Variants in CRADD observed in about 807,000 individuals in gnomAD.
CRADD encodes the protein death domain-containing protein CRADD.
In CRADD, 9 loss-of-function variants were observed where a neutral mutation model predicts 15.5. The ratio of observed to expected loss-of-function variants is 0.58; its 90% confidence interval spans 0.35 to 1.01. CRADD has a LOEUF of 1.01. CRADD is among the 50% of genes least tolerant of loss of function. The pLI is 0.02. For synonymous variants in CRADD, 118 were observed against 107.6 expected (o/e 1.10, Z -0.60); for missense variants, 227 against 250.3 (o/e 0.91, Z 0.63).
chr12:93,747,338 G>A (rs1956768452), intron 2 of CRADD, among the ~76,000 whole-genome samples: 1 of 152,144 alleles, frequency 6.6e-6, no homozygotes. Context: ...GGAGACCTAG[G>A]GCTGGGAACT....
chr12:93,707,379 T>C (rs1177720294), intron 2 of CRADD, among the ~76,000 whole-genome samples: 1 of 152,230 alleles, frequency 6.6e-6, no homozygotes, highest in African/African-American at 2.4e-5. Flanking sequence ...AGTTTGTCTC[T>C]GATCCACATG....
chr12:93,882,644 A>C (rs1232929286), intron 2 of CRADD, among the ~76,000 whole-genome samples: 2 of 152,054 alleles, frequency 1.3e-5, no homozygotes, highest in Non-Finnish European at 2.9e-5. Context: ...TTTTCTTCTT[A>C]ATCACCCTTA....
In CRADD at chr12:93,709,406, T is replaced by A. The variant is rs938374485; in HGVS notation, c.298+30334T>A. On this transcript the variant is annotated intron_variant, in intron 2 of 2. Coordinates refer to ENST00000332896, the MANE Select transcript of CRADD (RefSeq NM_003805.5). The stretch of plus-strand genomic sequence containing the variant: ...TAGTTATCTTTTCTGCTCCTCTCCC[T>A]CTTCCTACCCTCTCCCCTCAAGTAG... 3.9e-5 allele frequency among the ~76,000 whole-genome samples: 6 copies of A among 152,320 alleles called. No homozygotes were observed. In the South Asian group the frequency reaches 6.2e-4, roughly 16 times the overall value.
intron 2 of CRADD, among the ~76,000 whole-genome samples, chr12:93,883,449 G>C (rs150202020): frequency 1.3e-5 from 2 of 152,230 alleles, no homozygotes; most frequent in East Asian, 3.9e-4. Context: ...ATAGTAATAT[G>C]AGTCAGGTAC....
rs575160511 is a variant in CRADD at position 93,694,124 on chromosome 12, G to T, written c.298+15052G>T. Reference sequence around the variant, plus strand: ...AACTGAATTTAACAGCACAGTAAAAGAATCATTCACTGTGATCAAAGGATG... The same window carrying T: ...AACTGAATTTAACAGCACAGTAAAATAATCATTCACTGTGATCAAAGGATG... On this transcript the variant is annotated intron_variant, in intron 2 of 2. Transcript: ENST00000332896. Among the ~76,000 whole-genome samples, 14 of 152,124 alleles carry T rather than the reference G, an allele frequency of 9.2e-5. No homozygotes were observed. In the East Asian group the frequency reaches 2.5e-3, roughly 27 times the overall value.
At chr12:93,752,347 CA>C (rs1425387273) in intron 2 of CRADD, among the ~76,000 whole-genome samples, 1 of 152,192 alleles carries the variant, frequency 6.6e-6, no homozygotes, top group Non-Finnish European at 1.5e-5. Flanking sequence ...ATGCTAATGT[CA>C]AAAGCAGGGA....
At chr12:93,720,944 C>T (rs1956250380) in intron 2 of CRADD, among the ~76,000 whole-genome samples, 1 of 152,124 alleles carries the variant, frequency 6.6e-6, no homozygotes, top group Admixed American at 6.6e-5. Context: ...TGGATACCTA[C>T]CATATTTGTT....
chr12:93,706,892 T>A (rs1955962866), intron 2 of CRADD, among the ~76,000 whole-genome samples: 1 of 152,202 alleles, frequency 6.6e-6, no homozygotes, highest in Non-Finnish European at 1.5e-5. Flanking sequence ...ATTTAAGTAG[T>A]GTAATAAATT....
At chr12:93,775,911 ATT>A (rs1957136040) in intron 2 of CRADD, among the ~76,000 whole-genome samples, 1 of 152,226 alleles carries the variant, frequency 6.6e-6, no homozygotes, top group South Asian at 2.1e-4. Flanking sequence ...TAAAATATAC[ATT>A]TTAAATTCTA....
intron 2 of CRADD, among the ~76,000 whole-genome samples, chr12:93,681,752 A>G (rs1309940462): frequency 6.6e-6 from 1 of 152,122 alleles, no homozygotes; most frequent in Non-Finnish European, 1.5e-5. Flanking sequence ...AAAGCCCTGA[A>G]TTGGGGGTTT....
At chr12:93,734,276 A>G (rs1956524731) in intron 2 of CRADD, among the ~76,000 whole-genome samples, 1 of 152,206 alleles carries the variant, frequency 6.6e-6, no homozygotes, top group Non-Finnish European at 1.5e-5. Context: ...TAGAGATTCA[A>G]AGCATTTTCA....
rs149404758 is a variant in CRADD, at chr12:93,750,195, C to G, written c.298+71123C>G. ...CTGACTCCAGAACCTCAGATCCAGC[C>G]TCTATTCTGGCTTTTTAGTAGGCGA... On this transcript the variant is annotated intron_variant, in intron 2 of 2. Transcript: ENST00000332896. 5.4e-4 allele frequency among the ~76,000 whole-genome samples: 80 copies of G among 148,162 alleles called. 1 individual carries two copies. The highest frequency in any genetic ancestry group is 1.8e-3 in the African/African-American group (70 of 39,850).
chr12:93,713,563 C>A (rs1290734796), intron 2 of CRADD, among the ~76,000 whole-genome samples: 2 of 151,874 alleles, frequency 1.3e-5, no homozygotes, highest in Non-Finnish European at 2.9e-5. Flanking sequence ...ATTTATAATA[C>A]CTAATACAAT....
intron 2 of CRADD, among the ~76,000 whole-genome samples, chr12:93,838,457 AG>A (rs1958005100): frequency 1.3e-5 from 2 of 151,634 alleles, no homozygotes; most frequent in South Asian, 4.2e-4. Context: ...TGTCAGCCCC[AG>A]GGGTACCGTG....
At chr12:93,827,774 G>A (rs558618484) in intron 2 of CRADD, among the ~76,000 whole-genome samples, 7 of 152,194 alleles carry the variant, frequency 4.6e-5, no homozygotes, top group African/African-American at 1.4e-4. Flanking sequence ...CTTAACATGA[G>A]ATCTACACAA....
At chr12:93,788,266 C>T (rs1349423883) in intron 2 of CRADD, among the ~76,000 whole-genome samples, 1 of 152,134 alleles carries the variant, frequency 6.6e-6, no homozygotes, top group African/African-American at 2.4e-5. Flanking sequence ...GAGTACCCAG[C>T]GAAGGGAGAA....
Position 93,864,655 on chromosome 12 carries a change from G to A in CRADD, c.299-29395G>A, listed in dbSNP as rs548991149. ...CTCTGAGGGCCCACCTGTGTCTTGT[G>A]TCCTCTTCTTTCCTAATGAAGTGTC... On this transcript the variant is annotated intron_variant, in intron 2 of 2. Transcript: ENST00000548483. 6.6e-5 allele frequency among the ~76,000 whole-genome samples: 10 copies of A among 152,282 alleles called. No homozygotes were observed. In the East Asian group the frequency reaches 1.5e-3, roughly 24 times the overall value.
chr12:93,808,218 T>A (rs1957568604), intron 2 of CRADD, among the ~76,000 whole-genome samples: 1 of 151,946 alleles, frequency 6.6e-6, no homozygotes, highest in East Asian at 1.9e-4. Context: ...AATAAAGACA[T>A]ACCTGAGACT....
At chr12:93,859,891 TA>T in intron 2 of CRADD, among the ~76,000 whole-genome samples, 1 of 64,280 alleles carries the variant, frequency 1.6e-5, no homozygotes, top group Non-Finnish European at 3.2e-5. Context: ...CCCGACCAGC[TA>T]ATTTTTTTTT....
Sources: allele counts gnomAD v4.1 joint callset (sites outside exome capture counted in the v4.1 genomes callset), GRCh38; gene constraint gnomAD v4.1.1; transcripts MANE v1.5; gene names NCBI Gene and HGNC (gene_info 2026-07-23, HGNC 2026-07-21).